The following BCKDHA variants were observed in gnomAD, a reference collection of about 807,000 sequenced individuals.
BCKDHA encodes the protein branched chain keto acid dehydrogenase E1 subunit alpha.
In BCKDHA, 43 loss-of-function variants were observed where a neutral mutation model predicts 52.2. The observed-to-expected ratio is 0.82, with a 90% CI of 0.64 to 1.06. The LOEUF is 1.06. Among genes scored for constraint, BCKDHA ranks in the 50% least tolerant of loss-of-function variants. BCKDHA has a pLI of 0.00. For synonymous variants in BCKDHA, 234 were observed against 247.9 expected, an observed-to-expected ratio of 0.94 and a Z score of 0.53; for missense variants, 527 against 621.3, an observed-to-expected ratio of 0.85 and a Z score of 1.61.
At chr19:41,413,460 G>A (rs935615924) in intron 3 of BCKDHA, among the ~76,000 whole-genome samples, 3 of 151,924 alleles carry the variant, frequency 2.0e-5, no homozygotes, top group African/African-American at 4.8e-5. Flanking sequence ...CTCCTCTCCC[G>A]CCTCCCTCTG....
chr19:41,411,869 A>G (rs2039257613), intron 3 of BCKDHA, among the ~76,000 whole-genome samples: 1 of 152,130 alleles, frequency 6.6e-6, no homozygotes. Context: ...AGTACTCAGC[A>G]CCGCCCACTC....
intron 1 of BCKDHA, among the ~76,000 whole-genome samples, chr19:41,408,354 A>G (rs2039215911): frequency 6.6e-6 from 1 of 151,552 alleles, no homozygotes; most frequent in African/African-American, 2.4e-5. Context: ...GCAATGGCAG[A>G]TAATCAACCT....
intron 8 of BCKDHA, 120 bp from the exon 9 acceptor site, chr19:41,424,317 CA>C (rs1423953248): frequency 9.2e-7 from 1 of 1,086,302 alleles, no homozygotes; most frequent in African/African-American, 1.6e-5. Flanking sequence ...TAATCATTTC[CA>C]TTGTCGAGGT....
At chr19:41,420,877 C>G (rs970549368) in intron 5 of BCKDHA, among the ~76,000 whole-genome samples, 1 of 152,214 alleles carries the variant, frequency 6.6e-6, no homozygotes, top group African/African-American at 2.4e-5. Flanking sequence ...AATCGGAGCC[C>G]CTTCCTGTCC....
At chr19:41,410,606 T>C in intron 1 of BCKDHA, 31 bp from the exon 2 acceptor site, 2 of 1,613,482 alleles carry the variant, frequency 1.2e-6, no homozygotes, top group Non-Finnish European at 8.5e-7. Context: ...CTGCTTCTGA[T>C]GCAGGTGGTC....
At chr19:41,413,939 G>A in intron 3 of BCKDHA, 110 bp from the exon 4 acceptor site, 1 of 945,696 alleles carries the variant, frequency 1.1e-6, no homozygotes. Flanking sequence ...CTGGCCTTCA[G>A]GAGGACTGTG....
At chr19:41,423,832 C>CAA (rs5828107) in intron 8 of BCKDHA, among the ~76,000 whole-genome samples, 1,555 of 147,138 alleles carry the variant, frequency 0.011, 31 homozygotes, top group African/African-American at 0.036. Context: ...GACTCCATCT[C>CAA]AAAAAAAAAA....
At chr19:41,422,521 C>T (rs779514087) in intron 6 of BCKDHA, 108 bp from the exon 7 acceptor site, 1,341 of 1,582,654 alleles carry the variant, frequency 8.5e-4, no homozygotes, top group Non-Finnish European at 8.8e-4. Flanking sequence ...GAGTTGAGGT[C>T]CTGAGCACTC....
intron 1 of BCKDHA, among the ~76,000 whole-genome samples, chr19:41,409,548 G>A (rs1042033406): frequency 1.3e-5 from 2 of 152,054 alleles, no homozygotes; most frequent in Admixed American, 1.3e-4. Context: ...ACACTGAAGC[G>A]TATGTAGCAG....
Position 41,423,169 on chromosome 19 carries a change from G to A in BCKDHA, c.1167G>A (p.Lys389=). 6.4e-7 allele frequency: 1 copy of A among 1,552,744 alleles called. No homozygotes were observed. The highest frequency in any genetic ancestry group is 8.7e-7 in the Non-Finnish European group (1 of 1,148,376). Residue 389 remains lysine (K), a splice_region_variant and synonymous_variant, in exon 8 of 9, where the codon AAG becomes AAA. Transcript: ENST00000269980. ...EKAWRKQSRR[K]VMEAFEQAER... is the part of the protein sequence containing the mutation. ...CCTGGAGGAAGCAGTCCCGCAGGAA[G>A]GTGAGGGTGCCCCGCCCGGGAGGGT... is the stretch of plus-strand genomic sequence containing the variant.
At chr19:41,403,762 A>G (rs900021201) in intron 1 of BCKDHA, among the ~76,000 whole-genome samples, 1 of 152,154 alleles carries the variant, frequency 6.6e-6, no homozygotes, top group Non-Finnish European at 1.5e-5. Context: ...GGTGGATGCC[A>G]TCCCCACGAG....
At chr19:41,422,857 T>C in intron 7 of BCKDHA, 87 bp downstream of exon 7, 1 of 1,602,504 alleles carries the variant, frequency 6.2e-7, no homozygotes, top group Non-Finnish European at 8.5e-7. Flanking sequence ...CTCCAAAACA[T>C]GGCCTTATCA....
rs114716391 is a variant in BCKDHA at position 41,422,165 on chromosome 19, G to A, written c.648G>A (p.Ala216=). ...TCACCACCCTCTCATCCCCTGCAGC[G>A]GTGGGGGCGGCGTACGCAGCCAAGC... is the stretch of plus-strand genomic sequence containing the variant. ...SSPLATQIPQ[A]VGAAYAAKRA... is the part of the protein sequence containing the mutation. The change falls in exon 6 of 9, where the codon GCG becomes GCA. Residue 216 remains alanine (A), a splice_region_variant and synonymous_variant. Coordinates refer to ENST00000269980, the MANE Select transcript of BCKDHA (RefSeq NM_000709.4). The A allele has an allele frequency of 1.6e-5, 26 of 1,613,220 alleles. No individual in the cohort carries two copies. Among genetic ancestry groups the A allele is most frequent in the Admixed American group, 5.0e-5 (3 of 59,972 alleles).
chr19:41,409,297 C>A (rs1019650964), intron 1 of BCKDHA, among the ~76,000 whole-genome samples: 3 of 152,126 alleles, frequency 2.0e-5, no homozygotes, highest in Non-Finnish European at 2.9e-5. Context: ...CAGGTTTCAG[C>A]TCTAACATCA....
chr19:41,402,665 G>A (rs913468854), intron 1 of BCKDHA, among the ~76,000 whole-genome samples: 11 of 151,876 alleles, frequency 7.2e-5, no homozygotes, highest in Non-Finnish European at 1.6e-4. Context: ...TTTTTGAGAC[G>A]GAGTCTTGCT....
rs62117495 is a variant in BCKDHA, at chr19:41,418,591, G to A, written c.485-544G>A. 1,271 of 350,064 alleles carry A rather than the reference G, an allele frequency of 3.6e-3. 7 individuals are homozygous for A. The highest frequency in any genetic ancestry group is 5.8e-3 in the South Asian group (269 of 46,478). 21.7% of individuals were successfully genotyped at this position (350,064 alleles called of 1,614,324 possible). On this transcript the variant is annotated intron_variant, in intron 4 of 8. Transcript: ENST00000269980. ...TTGTAGCCCAGATTGGAGTGCAGTG[G>A]CACGATCTCAGCTGCCTGCAGCCTT...
intron 1 of BCKDHA, among the ~76,000 whole-genome samples, chr19:41,403,423 C>T (rs899550621): frequency 3.9e-5 from 6 of 152,210 alleles, no homozygotes; most frequent in Non-Finnish European, 7.3e-5. Flanking sequence ...GTCTGGATGC[C>T]TTATGGGTTC....
chr19:41,399,966 GGT>G (rs2039119987), intron 1 of BCKDHA: 1 of 148,788 alleles, frequency 6.7e-6, no homozygotes, highest in Admixed American at 6.7e-5. Context: ...TTGTATTTTT[GGT>G]AGGGACGAGG....
At chr19:41,415,601 G>A (rs928622611) in intron 4 of BCKDHA, 3 of 152,216 alleles carry the variant, frequency 2.0e-5, no homozygotes, top group African/African-American at 7.2e-5. Flanking sequence ...CATCATGATA[G>A]GTAGTGCCTC....
Sources: allele counts gnomAD v4.1 joint callset (sites outside exome capture counted in the v4.1 genomes callset), GRCh38; gene constraint gnomAD v4.1.1; transcripts MANE v1.5; gene names NCBI Gene and HGNC (gene_info 2026-07-23, HGNC 2026-07-21).